The following OCA2 variants were observed in gnomAD, a reference collection of about 807,000 sequenced individuals.
The protein encoded by OCA2 is OCA2 melanosomal transmembrane protein.
A neutral mutation model predicts 100.2 loss-of-function variants in OCA2; 77 were observed. The ratio of observed to expected loss-of-function variants is 0.77; its 90% confidence interval spans 0.64 to 0.93. The LOEUF (loss-of-function observed/expected upper bound fraction) is 0.93. OCA2 is among the 40% of genes least tolerant of loss of function. The probability of loss-of-function intolerance (pLI) is 0.00; values close to 1 mark genes in which losing one functional copy is unlikely to be tolerated. For missense variants in OCA2, 1,062 were observed against 1,089.1 expected, an observed-to-expected ratio of 0.98 and a Z score of 0.35; for synonymous variants, 432 against 439.2, an observed-to-expected ratio of 0.98 and a Z score of 0.21.
intron 21 of OCA2, among the ~76,000 whole-genome samples, chr15:27,854,740 A>G (rs1204089758): frequency 1.3e-5 from 2 of 152,190 alleles, no homozygotes; most frequent in Non-Finnish European, 2.9e-5. Context: ...GAGCAGAGCT[A>G]ACACACACAC....
intron 19 of OCA2, among the ~76,000 whole-genome samples, chr15:27,879,140 G>A (rs528484736): frequency 2.6e-5 from 4 of 152,066 alleles, no homozygotes; most frequent in African/African-American, 9.7e-5. Flanking sequence ...ACTTGCCGAG[G>A]ATAACAGCTT....
chr15:27,852,856 A>G (rs2035807679), intron 21 of OCA2, among the ~76,000 whole-genome samples: 1 of 116,824 alleles, frequency 8.6e-6, no homozygotes, highest in Non-Finnish European at 1.8e-5. Flanking sequence ...AGAAATGCAA[A>G]TCAAAACCAC....
At chr15:28,002,329 CA>C (rs1457501817) in intron 9 of OCA2, among the ~76,000 whole-genome samples, 7 of 152,196 alleles carry the variant, frequency 4.6e-5, no homozygotes, top group African/African-American at 1.7e-4. Context: ...CATGGAGCTA[CA>C]GGGCATGGTC....
At chr15:28,056,464 C>T (rs762311121) in intron 2 of OCA2, among the ~76,000 whole-genome samples, 3 of 152,234 alleles carry the variant, frequency 2.0e-5, no homozygotes, top group Non-Finnish European at 4.4e-5. Context: ...CCAAACCCAA[C>T]ACCTGTCAAG....
At chr15:28,079,574 C>T (rs531446421) in intron 2 of OCA2, among the ~76,000 whole-genome samples, 1 of 152,162 alleles carries the variant, frequency 6.6e-6, no homozygotes, top group African/African-American at 2.4e-5. Context: ...GGCCAACACA[C>T]CATTCTCCTC....
chr15:27,820,922 T>A lies in OCA2; in HGVS notation c.2432+24037A>T, dbSNP rs930107049. 3.9e-5 allele frequency among the ~76,000 whole-genome samples: 6 copies of A among 152,180 alleles called. No individual in the cohort carries two copies. In the South Asian group the frequency reaches 1.2e-3, roughly 31 times the overall value. Reference sequence around the variant, plus strand: ...TATAATATTTGTCATCAAGATGGCATGTGAGTATTCTGTCCTGGGTTGCCA... The same window carrying A: ...TATAATATTTGTCATCAAGATGGCAAGTGAGTATTCTGTCCTGGGTTGCCA... On this transcript the variant is annotated intron_variant, in intron 23 of 23. Coordinates refer to ENST00000354638, the MANE Select transcript of OCA2 (RefSeq NM_000275.3).
intron 23 of OCA2, among the ~76,000 whole-genome samples, chr15:27,825,189 C>T (rs956129081): frequency 6.6e-6 from 1 of 152,134 alleles, no homozygotes; most frequent in African/African-American, 2.4e-5. Flanking sequence ...CCTCCAGCCA[C>T]GTGGCCCACA....
chr15:27,929,030 G>A (rs912172282), intron 18 of OCA2, among the ~76,000 whole-genome samples: 1 of 152,056 alleles, frequency 6.6e-6, no homozygotes, highest in Non-Finnish European at 1.5e-5. Flanking sequence ...AACAATATAG[G>A]GGCTTCTGAT....
intron 19 of OCA2, among the ~76,000 whole-genome samples, chr15:27,916,666 A>T (rs1322907266): frequency 1.3e-5 from 2 of 152,236 alleles, no homozygotes; most frequent in African/African-American, 2.4e-5. Context: ...CAAGATGCCT[A>T]CAGTTTTCAT....
intron 21 of OCA2, among the ~76,000 whole-genome samples, chr15:27,852,106 G>A (rs1271877073): frequency 6.6e-6 from 1 of 152,200 alleles, no homozygotes; most frequent in Non-Finnish European, 1.5e-5. Context: ...AGTCAGCCGT[G>A]CCAGCCTCTG....
chr15:28,042,231 G>A (rs2043224175), intron 2 of OCA2, among the ~76,000 whole-genome samples: 1 of 152,060 alleles, frequency 6.6e-6, no homozygotes, highest in African/African-American at 2.4e-5. Flanking sequence ...AAGAAATGAT[G>A]GGATGAAAGA....
rs1567099040 is a variant in OCA2, at chr15:27,913,917, AAGCAAGC to A, written c.2079+12203_2079+12209del. ...AAAGCAAGCAAGCAAGCAAGCAAGCAAGCAAGCAAGCAAGAAAGAAAGAAAAAAATTT... is the reference window on the plus strand; with the variant it reads ...AAAGCAAGCAAGCAAGCAAGCAAGCAAAGCAAGAAAGAAAGAAAAAAATTT... On this transcript the variant is annotated intron_variant, in intron 19 of 23. Transcript: ENST00000354638. 2.2e-3 allele frequency among the ~76,000 whole-genome samples: 122 copies of A among 55,342 alleles called. 16 individuals carry two copies. The highest frequency in any genetic ancestry group is 0.011 in the African/African-American group (116 of 10,880). The allele number at this position is 55,342 out of a possible 152,430, so 36.3% of individuals were successfully genotyped here.
chr15:27,972,292 T>C (rs1379239120), intron 14 of OCA2, among the ~76,000 whole-genome samples: 1 of 152,212 alleles, frequency 6.6e-6, no homozygotes, highest in Non-Finnish European at 1.5e-5. Flanking sequence ...CAGTTGTGAA[T>C]TGTGCTGTGA....
chr15:28,081,824 C>T lies in OCA2; in HGVS notation c.51G>A (p.Val17=), dbSNP rs2044639925. The change falls in exon 2 of 24, where the codon GTG becomes GTA. Residue 17 remains valine, a synonymous_variant. Transcript: ENST00000354638. ...TGGGCACGGACGTCTGCAGGAGCTCCACCGCCGGCGCGCCGGGGTACCGCC... is the reference window on the plus strand; with the variant it reads ...TGGGCACGGACGTCTGCAGGAGCTCTACCGCCGGCGCGCCGGGGTACCGCC... ...DGRRYPGAPA[V]ELLQTSVPSG... 14 of 1,611,984 alleles carry T rather than the reference C, an allele frequency of 8.7e-6. No individual in the cohort carries two copies. Among genetic ancestry groups the T allele is most frequent in the Non-Finnish European group, 1.2e-5 (14 of 1,179,778 alleles).
At chr15:27,930,695 G>A (rs1056162580) in intron 18 of OCA2, among the ~76,000 whole-genome samples, 3 of 132,908 alleles carry the variant, frequency 2.3e-5, no homozygotes, top group Admixed American at 1.8e-4. Context: ...GAGACTGCCT[G>A]AGGATGGAGG....
chr15:27,881,007 A>T (rs947792707), intron 19 of OCA2, among the ~76,000 whole-genome samples: 16 of 151,940 alleles, frequency 1.1e-4, no homozygotes, highest in African/African-American at 3.6e-4. Context: ...GTCATAAATG[A>T]TTCTTATTAT....
chr15:27,732,966 C>T, the OCA2 span, among the ~76,000 whole-genome samples: 4 of 152,130 alleles, frequency 2.6e-5, no homozygotes, highest in African/African-American at 9.7e-5. Context: ...CAGAAAATTG[C>T]GGCAAAGGAT....
rs10624460 is a variant in OCA2 at position 27,849,540 on chromosome 15, TA to T, written c.2338+1841del. On this transcript the variant is annotated intron_variant, in intron 22 of 23. Transcript: ENST00000354638. ...CAAAAAATACTGGGGTCAGACCAGT[TA>T]AAAAAAAAAAAAGTTGTTTCAAAGT... 9.3e-4 allele frequency among the ~76,000 whole-genome samples: 138 copies of T among 148,778 alleles called. 1 individual carries two copies. The highest frequency in any genetic ancestry group is 8.2e-4 in the Non-Finnish European group (55 of 67,196).
chr15:27,944,802 T>A (rs1489130174), intron 18 of OCA2, among the ~76,000 whole-genome samples: 1 of 152,202 alleles, frequency 6.6e-6, no homozygotes, highest in East Asian at 1.9e-4. Context: ...CAGATTTCAG[T>A]AATAATACAA....
Sources: gnomAD v4.1 joint callset for allele counts (sites outside exome capture counted in the v4.1 genomes callset) on GRCh38, gnomAD v4.1.1 for gene constraint, MANE v1.5 for transcripts, NCBI Gene and HGNC (gene_info 2026-07-23, HGNC 2026-07-21) for gene names.